GRM7: variants seen among roughly 807,000 people sequenced by gnomAD.
The protein encoded by GRM7 is glutamate metabotropic receptor 7, also known as metabotropic glutamate receptor 7.
A neutral mutation model predicts 84.5 loss-of-function variants in GRM7; 35 were observed. The observed-to-expected ratio is 0.41, with a 90% CI of 0.32 to 0.55. The LOEUF is 0.55. Ranked by LOEUF, GRM7 falls within the 20% of genes least tolerant of loss-of-function variation. The pLI, the probability that GRM7 is intolerant of heterozygous loss-of-function variation, is 0.19. For synonymous variants in GRM7, 487 were observed against 455.1 expected, an observed-to-expected ratio of 1.07 and a Z score of -0.89; for missense variants, 1,003 against 1,194.6, an observed-to-expected ratio of 0.84 and a Z score of 2.36.
Position 7,713,138 on chromosome 3 carries a change from T to TGG in GRM7, c.2699-27219_2699-27218insGG, listed in dbSNP as rs1701648617. Among the ~76,000 whole-genome samples, 5 of 142,444 alleles carry TGG rather than the reference T, an allele frequency of 3.5e-5. 1 individual carries two copies. The highest frequency in any genetic ancestry group is 3.5e-4 in the Admixed American group (5 of 14,440). The allele number at this position is 142,444 out of a possible 152,430, so 93.4% of individuals were successfully genotyped here. On this transcript the variant is annotated intron_variant, in intron 9 of 9. Transcript: ENST00000357716. ...AATTTTGTTTTGTTTTTTTTTTTTT[T>TGG]TTTTTTTTTTTTTTGAGACAATCTT...
chr3:7,171,505 C>A (rs1694982676), intron 2 of GRM7, among the ~76,000 whole-genome samples: 1 of 152,140 alleles, frequency 6.6e-6, no homozygotes, highest in Non-Finnish European at 1.5e-5. Flanking sequence ...TGGCACCACA[C>A]ACTTCCACTT....
rs753560924 is a variant in GRM7, at chr3:7,188,992, G to A, written c.736+42324G>A. Among the ~76,000 whole-genome samples, 6 of 152,200 alleles carry A rather than the reference G, an allele frequency of 3.9e-5. No individual in the cohort carries two copies. Among genetic ancestry groups the A allele is most frequent in the Non-Finnish European group, 8.8e-5 (6 of 68,032 alleles). On this transcript the variant is annotated intron_variant, in intron 2 of 9. Transcript: ENST00000357716. This position sits in a 1 kb window ranked among gnomAD's most constrained non-coding sequence, Gnocchi z 4.2. Reference sequence around the variant, plus strand: ...AGAGCCTAGGAGCTGTACTTTCTGAGTGAGTGGTCTCCGACCTGTTGCAGC... The same window carrying A: ...AGAGCCTAGGAGCTGTACTTTCTGAATGAGTGGTCTCCGACCTGTTGCAGC...
intron 1 of GRM7, among the ~76,000 whole-genome samples, chr3:6,876,429 T>C (rs1419673980): frequency 6.6e-6 from 1 of 152,060 alleles, no homozygotes; most frequent in Admixed American, 6.6e-5. Context: ...ATGGATTGTT[T>C]CATCCAAGTT....
intron 5 of GRM7, among the ~76,000 whole-genome samples, chr3:7,421,537 T>G (rs1453176964): frequency 1.3e-5 from 2 of 150,584 alleles, no homozygotes; most frequent in African/African-American, 4.9e-5. Flanking sequence ...ACAAAGAGAT[T>G]TTTTTTTAAA....
chr3:7,449,353 C>T (rs949627638), intron 5 of GRM7, among the ~76,000 whole-genome samples: 1 of 152,030 alleles, frequency 6.6e-6, no homozygotes, highest in African/African-American at 2.4e-5. Context: ...AACGAAGATA[C>T]AGATAGGAAG....
intron 7 of GRM7, among the ~76,000 whole-genome samples, chr3:7,517,314 A>G (rs1575441051): frequency 6.6e-6 from 1 of 152,316 alleles, no homozygotes; most frequent in South Asian, 2.1e-4. Flanking sequence ...AAATGTTTGT[A>G]TAAATAAACA....
At chr3:6,920,075 A>G (rs1040694004) in intron 1 of GRM7, among the ~76,000 whole-genome samples, 2 of 152,204 alleles carry the variant, frequency 1.3e-5, no homozygotes, top group South Asian at 2.1e-4. Flanking sequence ...CAATTGATTA[A>G]TATATAATAC....
intron 1 of GRM7, among the ~76,000 whole-genome samples, chr3:6,998,631 C>T (rs970290294): frequency 6.6e-5 from 10 of 152,242 alleles, no homozygotes; most frequent in South Asian, 4.1e-4. Flanking sequence ...GCCTGGGCAT[C>T]GAGGTGTTTC....
intron 2 of GRM7, among the ~76,000 whole-genome samples, chr3:7,220,281 C>G (rs1048951302): frequency 1.3e-5 from 2 of 152,188 alleles, no homozygotes; most frequent in Admixed American, 6.5e-5. Context: ...AACACTATCT[C>G]AGTGAGGTGA....
chr3:7,261,182 G>A (rs1420511606), intron 2 of GRM7, among the ~76,000 whole-genome samples: 1 of 151,980 alleles, frequency 6.6e-6, no homozygotes, highest in East Asian at 1.9e-4. Flanking sequence ...CAGGTCACAG[G>A]GCCACAAAGA....
chr3:7,513,518 A>G (rs1184025890), intron 7 of GRM7, among the ~76,000 whole-genome samples: 1 of 152,182 alleles, frequency 6.6e-6, no homozygotes, highest in Non-Finnish European at 1.5e-5. Flanking sequence ...GGTTACATAG[A>G]AGGAATAAGA....
chr3:7,702,036 C>A (rs537831470), intron 9 of GRM7, among the ~76,000 whole-genome samples: 83 of 152,068 alleles, frequency 5.5e-4, no homozygotes, highest in Non-Finnish European at 9.3e-4. Flanking sequence ...AGGGAGGGAG[C>A]AGGGAAGGAA....
chr3:7,579,791 C>T (rs1695161520), intron 8 of GRM7, among the ~76,000 whole-genome samples: 1 of 152,158 alleles, frequency 6.6e-6, no homozygotes, highest in Non-Finnish European at 1.5e-5. Flanking sequence ...CTCGCTCTTC[C>T]AAGTGGCTAC....
intron 2 of GRM7, among the ~76,000 whole-genome samples, chr3:7,189,986 A>G (rs2125104622): frequency 6.6e-6 from 1 of 152,294 alleles, no homozygotes; most frequent in South Asian, 2.1e-4. Context: ...AGACCCACAC[A>G]GAGAAGCATA....
At chr3:6,994,269 G>A (rs1382143462) in intron 1 of GRM7, among the ~76,000 whole-genome samples, 1 of 152,158 alleles carries the variant, frequency 6.6e-6, no homozygotes, top group East Asian at 1.9e-4. Context: ...TGATGGTGAA[G>A]GAGCAATGTG....
intron 6 of GRM7, among the ~76,000 whole-genome samples, chr3:7,461,289 T>C (rs1233604123): frequency 6.6e-6 from 1 of 152,192 alleles, no homozygotes; most frequent in Non-Finnish European, 1.5e-5. Context: ...TTAATGCATA[T>C]AGGTTTTATT....
chr3:7,029,301 CAA>C (rs57622634), intron 1 of GRM7, among the ~76,000 whole-genome samples: 6 of 55,210 alleles, frequency 1.1e-4, no homozygotes, highest in African/African-American at 2.5e-4. Flanking sequence ...GACTCTGCCT[CAA>C]AAAAAAAAAA....
chr3:7,095,292 A>T (rs547151059), intron 1 of GRM7, among the ~76,000 whole-genome samples: 1 of 152,298 alleles, frequency 6.6e-6, no homozygotes, highest in East Asian at 1.9e-4. Context: ...TTTTGCTCAG[A>T]TTACTAAGTG....
chr3:7,142,981 G>T (rs1326016230), intron 1 of GRM7, among the ~76,000 whole-genome samples: 1 of 152,030 alleles, frequency 6.6e-6, no homozygotes, highest in Non-Finnish European at 1.5e-5. Context: ...CTAAGTTCAA[G>T]AAAAAAGGCC....
Sources: allele counts gnomAD v4.1 joint callset (sites outside exome capture counted in the v4.1 genomes callset), GRCh38; gene constraint gnomAD v4.1.1; non-coding constraint Gnocchi (gnomAD v3.1); transcripts MANE v1.5; gene names NCBI Gene and HGNC (gene_info 2026-07-23, HGNC 2026-07-21).